Variants in DOCK3 observed in about 807,000 individuals in gnomAD.
The protein encoded by DOCK3 is dedicator of cytokinesis 3, also known as dedicator of cytokinesis protein 3.
In DOCK3, 60 loss-of-function variants were observed where a neutral mutation model predicts 265.6. The ratio of observed to expected loss-of-function variants is 0.23; its 90% CI spans 0.18 to 0.28. The LOEUF is 0.28. Among genes scored for constraint, DOCK3 ranks in the 10% least tolerant of loss-of-function variants. DOCK3 has a pLI of 1.00. For missense variants in DOCK3, 1,981 were observed against 2,594.3 expected, an observed-to-expected ratio of 0.76 and a Z score of 5.14; for synonymous variants, 881 against 938.0, an observed-to-expected ratio of 0.94 and a Z score of 1.11.
At chr3:50,732,117 T>C (rs1187570186) in intron 1 of DOCK3, among the ~76,000 whole-genome samples, 1 of 150,934 alleles carries the variant, frequency 6.6e-6, no homozygotes, top group East Asian at 1.9e-4. Flanking sequence ...CTGGAAGCCA[T>C]ATCCTCAGCA....
intron 7 of DOCK3, among the ~76,000 whole-genome samples, chr3:51,082,204 T>A (rs1034076881): frequency 6.6e-6 from 1 of 151,864 alleles, no homozygotes; most frequent in Non-Finnish European, 1.5e-5. Flanking sequence ...CCTCTGAGAT[T>A]CCACAGAGGT....
intron 4 of DOCK3, among the ~76,000 whole-genome samples, chr3:50,919,518 T>C (rs2050317546): frequency 6.6e-6 from 1 of 152,200 alleles, no homozygotes; most frequent in Non-Finnish European, 1.5e-5. Context: ...TTCAAGCAGT[T>C]GTGAATGGGA....
At chr3:50,733,551 T>C (rs1268579935) in intron 1 of DOCK3, among the ~76,000 whole-genome samples, 1 of 152,220 alleles carries the variant, frequency 6.6e-6, no homozygotes, top group Admixed American at 6.5e-5. Context: ...CTTGCTCTCT[T>C]TTGGTTTTCA....
chr3:51,333,069 C>T lies in DOCK3; in HGVS notation c.3515+42C>T, dbSNP rs774995370. ...GTAAGTCTGCTGTCTCCAGATCCAT[C>T]ACAGCCTCCATGGGCTCTTGGACTT... On this transcript the variant is annotated intron_variant, in intron 34 of 52. Coordinates refer to ENST00000266037, the MANE Select transcript of DOCK3 (RefSeq NM_004947.5). The T allele has an allele frequency of 9.3e-6, 15 of 1,613,830 alleles. No homozygotes were observed. In the East Asian group the frequency reaches 3.3e-4, roughly 36 times the overall value.
intron 1 of DOCK3, among the ~76,000 whole-genome samples, chr3:50,701,977 G>C (rs1377765474): frequency 6.6e-6 from 1 of 152,210 alleles, no homozygotes; most frequent in Non-Finnish European, 1.5e-5. Flanking sequence ...TAGCTTTGTA[G>C]TATATTTTGA....
chr3:50,747,958 G>A (rs1237285837), intron 1 of DOCK3, among the ~76,000 whole-genome samples: 1 of 152,134 alleles, frequency 6.6e-6, no homozygotes, highest in Non-Finnish European at 1.5e-5. Context: ...ATCTTGTAAT[G>A]TATGACACTG....
At chr3:50,709,040 G>T (rs2036591982) in intron 1 of DOCK3, among the ~76,000 whole-genome samples, 1 of 152,170 alleles carries the variant, frequency 6.6e-6, no homozygotes, top group Non-Finnish European at 1.5e-5. Flanking sequence ...CAACTTTGTT[G>T]TGTTTTCCTT....
chr3:51,246,066 A>G (rs558934965), intron 21 of DOCK3, among the ~76,000 whole-genome samples: 3 of 152,278 alleles, frequency 2.0e-5, no homozygotes, highest in Non-Finnish European at 2.9e-5. Context: ...ACTGAGTCCT[A>G]AGGAAATAAG....
At chr3:50,927,180 A>G (rs1371379675) in intron 4 of DOCK3, among the ~76,000 whole-genome samples, 1 of 152,068 alleles carries the variant, frequency 6.6e-6, no homozygotes, top group East Asian at 1.9e-4. Flanking sequence ...GCCTTTTCTG[A>G]AATCTTCTCA....
intron 32 of DOCK3, among the ~76,000 whole-genome samples, chr3:51,317,535 G>A (rs574524675): frequency 6.7e-6 from 1 of 149,342 alleles, no homozygotes; most frequent in Non-Finnish European, 1.5e-5. Context: ...AGCCAAGATC[G>A]CACCACTGCA....
At chr3:50,931,033 C>T (rs972774417) in intron 4 of DOCK3, among the ~76,000 whole-genome samples, 8 of 152,132 alleles carry the variant, frequency 5.3e-5, no homozygotes, top group African/African-American at 1.2e-4. Flanking sequence ...AGGGTGACGG[C>T]GGTGCAGTCA....
chr3:51,202,234 T>C (rs1033091083), intron 12 of DOCK3, among the ~76,000 whole-genome samples: 4 of 146,004 alleles, frequency 2.7e-5, no homozygotes, highest in African/African-American at 1.0e-4. Flanking sequence ...CAGGAGCTGG[T>C]TTTTTGAAAG....
intron 5 of DOCK3, among the ~76,000 whole-genome samples, chr3:50,997,400 A>G (rs939868886): frequency 6.6e-6 from 1 of 152,162 alleles, no homozygotes; most frequent in African/African-American, 2.4e-5. Context: ...GTGTACAGAC[A>G]AAAGCTTGGA....
At chr3:50,989,142 C>G (rs897455924) in intron 5 of DOCK3, among the ~76,000 whole-genome samples, 2 of 152,094 alleles carry the variant, frequency 1.3e-5, no homozygotes, top group African/African-American at 4.8e-5. Context: ...GACAGGAAAC[C>G]CCTGGCTTGG....
At chr3:50,701,797 C>T (rs959249588) in intron 1 of DOCK3, among the ~76,000 whole-genome samples, 3 of 152,126 alleles carry the variant, frequency 2.0e-5, no homozygotes, top group Non-Finnish European at 4.4e-5. Context: ...ACCCAGTTTT[C>T]TCAGCACCAT....
chr3:51,190,944 A>G (rs1452832344), intron 12 of DOCK3, among the ~76,000 whole-genome samples: 1 of 152,162 alleles, frequency 6.6e-6, no homozygotes, highest in Non-Finnish European at 1.5e-5. Context: ...TGTTCCATGG[A>G]GGAAGGTCAC....
intron 3 of DOCK3, among the ~76,000 whole-genome samples, chr3:50,872,845 G>T (rs2047498327): frequency 1.3e-5 from 2 of 152,174 alleles, no homozygotes; most frequent in African/African-American, 4.8e-5. Flanking sequence ...GGGGCCTACT[G>T]CCAGACTACC....
At chr3:51,344,946 C>T (rs1285275302) in intron 38 of DOCK3, among the ~76,000 whole-genome samples, 1 of 152,074 alleles carries the variant, frequency 6.6e-6, no homozygotes, top group Non-Finnish European at 1.5e-5. Flanking sequence ...GCAGAGATGC[C>T]GGCAAGATAG....
intron 6 of DOCK3, among the ~76,000 whole-genome samples, chr3:51,070,950 C>G (rs912024948): frequency 6.6e-6 from 1 of 152,114 alleles, no homozygotes; most frequent in Admixed American, 6.5e-5. Context: ...ACTGTCCTAA[C>G]CCCTGCACCC....
Sources: allele counts gnomAD v4.1 joint callset (sites outside exome capture counted in the v4.1 genomes callset), GRCh38; gene constraint gnomAD v4.1.1; transcripts MANE v1.5; gene names NCBI Gene and HGNC (gene_info 2026-07-23, HGNC 2026-07-21).